SGCZ: variants seen among roughly 807,000 people sequenced by gnomAD.
SGCZ encodes sarcoglycan zeta.
Under a neutral mutation model 41.3 loss-of-function variants are expected in SGCZ, and 40 were observed. The ratio of observed to expected loss-of-function variants is 0.97; its 90% CI spans 0.75 to 1.26. The LOEUF (loss-of-function observed/expected upper bound fraction) is 1.26, where lower values mean the gene tolerates loss of function less well. SGCZ is among the 50% of genes most tolerant of loss of function. SGCZ has a pLI of 0.00. For synonymous variants in SGCZ, 206 were observed against 137.5 expected, an observed-to-expected ratio of 1.50 and a Z score of -3.49; for missense variants, 552 against 369.8, an observed-to-expected ratio of 1.49 and a Z score of -4.04.
At chr8:14,126,019 A>G (rs1164292528) in intron 5 of SGCZ, among the ~76,000 whole-genome samples, 1 of 152,252 alleles carries the variant, frequency 6.6e-6, no homozygotes, top group Non-Finnish European at 1.5e-5. Flanking sequence ...CCAAAACCAT[A>G]AAAACCCTAG....
At chr8:14,358,647 T>C (rs1243936244) in intron 2 of SGCZ, among the ~76,000 whole-genome samples, 1 of 152,204 alleles carries the variant, frequency 6.6e-6, no homozygotes, top group African/African-American at 2.4e-5. Context: ...AGTCTTGCTC[T>C]GCTGCCCAGG....
chr8:14,779,864 T>A (rs1288910399), intron 1 of SGCZ, among the ~76,000 whole-genome samples: 1 of 152,212 alleles, frequency 6.6e-6, no homozygotes, highest in Non-Finnish European at 1.5e-5. Context: ...TTGCATTTAA[T>A]TAAATTGTTT....
chr8:15,200,725 C>T (rs1800863319), intron 1 of SGCZ, among the ~76,000 whole-genome samples: 1 of 152,038 alleles, frequency 6.6e-6, no homozygotes, highest in Admixed American at 6.5e-5. Flanking sequence ...TGATAATATT[C>T]CTGAATTGTA....
chr8:15,052,767 A>C (rs1307579833), intron 1 of SGCZ, among the ~76,000 whole-genome samples: 3 of 152,202 alleles, frequency 2.0e-5, no homozygotes, highest in Admixed American at 6.5e-5. Flanking sequence ...CAAGTGGTTA[A>C]AAAGCATATC....
Position 14,330,820 on chromosome 8 carries a change from T to C in SGCZ, c.235-6616A>G, listed in dbSNP as rs562119879. On this transcript the variant is annotated intron_variant, in intron 2 of 7. Transcript: ENST00000382080. ...GCATTTTGGCATGAAATTAAGAAAA[T>C]ATTTTAAAATAGATGTATCGATTAA... Among the ~76,000 whole-genome samples the C allele has an allele frequency of 2.0e-3, 297 of 152,050 alleles. 1 individual carries two copies. The highest frequency in any genetic ancestry group is 6.9e-3 in the African/African-American group (287 of 41,510).
chr8:14,777,559 T>C (rs1030883068), intron 1 of SGCZ, among the ~76,000 whole-genome samples: 1 of 152,236 alleles, frequency 6.6e-6, no homozygotes, highest in African/African-American at 2.4e-5. Flanking sequence ...CATGTATCTT[T>C]AATCTCATAT....
chr8:14,668,111 A>G (rs1807976125), intron 1 of SGCZ, among the ~76,000 whole-genome samples: 1 of 151,832 alleles, frequency 6.6e-6, no homozygotes, highest in Admixed American at 6.6e-5. Flanking sequence ...CACCCCCGCC[A>G]CCACACCCAG....
At chr8:15,020,435 G>T (rs1033364845) in intron 1 of SGCZ, among the ~76,000 whole-genome samples, 1 of 152,134 alleles carries the variant, frequency 6.6e-6, no homozygotes, top group Non-Finnish European at 1.5e-5. Context: ...CTGAGCTGGG[G>T]AGGAAGGCTG....
chr8:14,921,391 T>C (rs776406194), intron 1 of SGCZ, among the ~76,000 whole-genome samples: 6 of 152,166 alleles, frequency 3.9e-5, no homozygotes, highest in African/African-American at 7.2e-5. Flanking sequence ...GGCAACTTCT[T>C]CATTAGAAAA....
chr8:14,791,910 G>T (rs866207802), intron 1 of SGCZ, among the ~76,000 whole-genome samples: 1 of 152,144 alleles, frequency 6.6e-6, no homozygotes, highest in South Asian at 2.1e-4. Flanking sequence ...AATTCTAGCC[G>T]CACTTTCTCA....
chr8:14,520,248 A>G (rs1043901562), intron 2 of SGCZ, among the ~76,000 whole-genome samples: 5 of 152,122 alleles, frequency 3.3e-5, no homozygotes, highest in Non-Finnish European at 5.9e-5. Flanking sequence ...CACTGGGGAA[A>G]GGATATGCTG....
At chr8:14,435,034 A>G (rs567519794) in intron 2 of SGCZ, among the ~76,000 whole-genome samples, 1 of 152,314 alleles carries the variant, frequency 6.6e-6, no homozygotes, top group Admixed American at 6.5e-5. Context: ...TGTTAATACT[A>G]AAACCAGAAT....
intron 1 of SGCZ, among the ~76,000 whole-genome samples, chr8:14,688,691 G>T (rs759991430): frequency 1.2e-4 from 19 of 152,046 alleles, no homozygotes; most frequent in South Asian, 4.2e-4. Flanking sequence ...CTTTTTTGGT[G>T]CCATATGAAC....
At chr8:14,748,323 T>C (rs1246524459) in intron 1 of SGCZ, among the ~76,000 whole-genome samples, 1 of 152,152 alleles carries the variant, frequency 6.6e-6, no homozygotes, top group Non-Finnish European at 1.5e-5. Flanking sequence ...CTTTTAACTA[T>C]TATACTATCT....
At chr8:14,659,260 T>C (rs373290644) in intron 1 of SGCZ, among the ~76,000 whole-genome samples, 19 of 152,142 alleles carry the variant, frequency 1.2e-4, no homozygotes, top group African/African-American at 4.3e-4. Context: ...CCGCCAGAGA[T>C]GATAAATGCT....
intron 2 of SGCZ, among the ~76,000 whole-genome samples, chr8:14,430,466 G>A (rs1408981538): frequency 1.3e-5 from 2 of 152,090 alleles, no homozygotes; most frequent in African/African-American, 2.4e-5. Flanking sequence ...GTCATCAGAT[G>A]CAGAAAAAGC....
intron 1 of SGCZ, among the ~76,000 whole-genome samples, chr8:15,094,613 G>A (rs904821117): frequency 6.6e-6 from 1 of 152,200 alleles, no homozygotes; most frequent in African/African-American, 2.4e-5. Flanking sequence ...AAGTGTCTCT[G>A]GAGCCCAGTA....
chr8:14,831,293 C>T (rs968785107), intron 1 of SGCZ, among the ~76,000 whole-genome samples: 1 of 152,126 alleles, frequency 6.6e-6, no homozygotes, highest in Non-Finnish European at 1.5e-5. Context: ...TGATATAGTA[C>T]ATGGAAACAT....
chr8:15,057,652 C>G (rs1030697166), intron 1 of SGCZ, among the ~76,000 whole-genome samples: 1 of 152,104 alleles, frequency 6.6e-6, no homozygotes, highest in African/African-American at 2.4e-5. Flanking sequence ...GAAATTCATT[C>G]ACTTACAAAG....
Sources: gnomAD v4.1 joint callset for allele counts (sites outside exome capture counted in the v4.1 genomes callset) on GRCh38, gnomAD v4.1.1 for gene constraint, MANE v1.5 for transcripts, NCBI Gene and HGNC (gene_info 2026-07-23, HGNC 2026-07-21) for gene names.